Variants in PLCB1 observed in about 807,000 individuals in gnomAD.
PLCB1 encodes phospholipase C beta 1.
In PLCB1, 46 loss-of-function variants were observed where a neutral mutation model predicts 161.8. The observed-to-expected ratio is 0.28, with a 90% CI of 0.22 to 0.36. PLCB1 has a LOEUF of 0.36. PLCB1 is among the 10% of genes least tolerant of loss of function. PLCB1 has a pLI of 1.00. For missense variants in PLCB1, 1,016 were observed against 1,472.5 expected (o/e 0.69, Z 5.07); for synonymous variants, 517 against 503.7 (o/e 1.03, Z -0.35).
chr20:8,411,268 C>T (rs575898194), intron 3 of PLCB1, among the ~76,000 whole-genome samples: 81 of 152,186 alleles, frequency 5.3e-4, no homozygotes, highest in South Asian at 1.9e-3. Context: ...TCATGAATAC[C>T]TTTGCATGTT....
chr20:8,660,444 A>G (rs1243667961), intron 9 of PLCB1, among the ~76,000 whole-genome samples: 3 of 152,154 alleles, frequency 2.0e-5, no homozygotes, highest in Non-Finnish European at 4.4e-5. Flanking sequence ...CACTAGGAAA[A>G]CAAAAAGCTT....
chr20:8,661,348 C>A (rs539490734), intron 9 of PLCB1, among the ~76,000 whole-genome samples: 10 of 152,202 alleles, frequency 6.6e-5, no homozygotes, highest in Middle Eastern at 3.4e-3. Context: ...CTAATGCTGT[C>A]TCTACCTAAA....
chr20:8,228,116 G>A (rs1979798831), intron 2 of PLCB1, among the ~76,000 whole-genome samples: 2 of 151,912 alleles, frequency 1.3e-5, no homozygotes, highest in Non-Finnish European at 2.9e-5. Context: ...CTGAGATTGT[G>A]CCATTGCACT....
chr20:8,505,233 A>G (rs1390601188), intron 3 of PLCB1, among the ~76,000 whole-genome samples: 2 of 152,016 alleles, frequency 1.3e-5, no homozygotes, highest in African/African-American at 4.8e-5. Context: ...AATTCTTTTT[A>G]CCCCACACTC....
chr20:8,272,928 A>T (rs6140577), intron 2 of PLCB1, among the ~76,000 whole-genome samples: 13,154 of 152,188 alleles, frequency 0.086, 656 homozygotes, highest in East Asian at 0.18. Context: ...TCTGAGTGCA[A>T]AACATCTGGT....
chr20:8,176,125 A>G (rs2051780868), intron 2 of PLCB1, among the ~76,000 whole-genome samples: 1 of 152,214 alleles, frequency 6.6e-6, no homozygotes, highest in Admixed American at 6.5e-5. Context: ...TGATATAACT[A>G]TTGTATTATG....
intron 3 of PLCB1, among the ~76,000 whole-genome samples, chr20:8,463,163 G>A (rs879909496): frequency 8.2e-4 from 124 of 151,478 alleles, no homozygotes; most frequent in Non-Finnish European, 1.4e-3. Flanking sequence ...GTGTGTGTGT[G>A]TGTGTGTGTG....
intron 3 of PLCB1, among the ~76,000 whole-genome samples, chr20:8,390,941 T>C (rs2122429013): frequency 6.6e-6 from 1 of 151,610 alleles, no homozygotes; most frequent in Middle Eastern, 3.4e-3. Flanking sequence ...CTAGTTGCGG[T>C]AAGGACTAAA....
intron 3 of PLCB1, among the ~76,000 whole-genome samples, chr20:8,474,426 A>C (rs1352801069): frequency 1.3e-5 from 2 of 152,092 alleles, no homozygotes; most frequent in African/African-American, 4.8e-5. Context: ...TTTGTTGGGG[A>C]AATGATTATA....
chr20:8,525,872 T>C (rs2122898321), intron 3 of PLCB1, among the ~76,000 whole-genome samples: 1 of 152,118 alleles, frequency 6.6e-6, no homozygotes, highest in African/African-American at 2.4e-5. Flanking sequence ...TAAATTGTCA[T>C]GACATTTGTT....
intron 3 of PLCB1, among the ~76,000 whole-genome samples, chr20:8,457,954 T>G (rs1236488706): frequency 6.6e-6 from 1 of 151,986 alleles, no homozygotes; most frequent in Non-Finnish European, 1.5e-5. Context: ...TTATTTAGAG[T>G]TTGCAAGAGA....
rs76896377 is a variant in PLCB1 at position 8,726,486 on chromosome 20, G to A, written c.1679-823G>A. ...AGTTGACTCACAGTTCTGCATGGCT[G>A]GGGAGACCTCAGGAAACAACAATCA... On this transcript the variant is annotated intron_variant, in intron 16 of 31. Coordinates refer to ENST00000338037, the MANE Select transcript of PLCB1 (RefSeq NM_015192.4). 5.0e-3 allele frequency among the ~76,000 whole-genome samples: 758 copies of A among 152,138 alleles called. 10 individuals are homozygous for A. Among genetic ancestry groups the A allele is most frequent in the Middle Eastern group, 0.031 (9 of 294 alleles).
chr20:8,454,979 G>GATGAATGA (rs563600438), intron 3 of PLCB1, among the ~76,000 whole-genome samples: 7 of 150,132 alleles, frequency 4.7e-5, no homozygotes. Flanking sequence ...TATAAGGATG[G>GATGAATGA]ATGAATGAAT....
intron 3 of PLCB1, among the ~76,000 whole-genome samples, chr20:8,438,766 C>G (rs954127746): frequency 6.6e-6 from 1 of 152,114 alleles, no homozygotes; most frequent in Non-Finnish European, 1.5e-5. Context: ...ATTTCCTGAC[C>G]CAAGGGGCCA....
chr20:8,252,684 G>A (rs1298961409), intron 2 of PLCB1, among the ~76,000 whole-genome samples: 1 of 151,554 alleles, frequency 6.6e-6, no homozygotes, highest in Admixed American at 6.6e-5. Context: ...ATTCTCACTT[G>A]CTTTCCCCAT....
In PLCB1 at chr20:8,882,080, T is replaced by C; in HGVS notation, c.*231T>C. 1 of 436,712 alleles carries C rather than the reference T, an allele frequency of 2.3e-6. No homozygotes were observed. Among genetic ancestry groups the C allele is most frequent in the Non-Finnish European group, 4.1e-6 (1 of 246,752 alleles). The allele number at this position is 436,712 out of a possible 1,614,324, so 27.1% of individuals were successfully genotyped here. A position where few individuals can be genotyped will look rare whatever the true frequency, so the allele number is the denominator to read the frequency against. On this transcript the variant is annotated 3_prime_UTR_variant, in exon 32 of 32. Coordinates refer to ENST00000338037, the MANE Select transcript of PLCB1 (RefSeq NM_015192.4). ...TAGTGAAGAATGCATGTATGTGAGATTTTTGTTTTCTTTCCAATAGCAAAT... is the reference window on the plus strand; with the variant it reads ...TAGTGAAGAATGCATGTATGTGAGACTTTTGTTTTCTTTCCAATAGCAAAT...
At chr20:8,501,289 C>T (rs1372729957) in intron 3 of PLCB1, among the ~76,000 whole-genome samples, 3 of 152,230 alleles carry the variant, frequency 2.0e-5, no homozygotes, top group South Asian at 2.1e-4. Flanking sequence ...CCTCCATCCT[C>T]GCTGTCAGAT....
chr20:8,798,595 C>CA (rs1258042550), intron 31 of PLCB1, among the ~76,000 whole-genome samples: 5 of 138,950 alleles, frequency 3.6e-5, no homozygotes, highest in African/African-American at 7.7e-5. Flanking sequence ...CACACACACA[C>CA]CCCTGGCCCA....
intron 2 of PLCB1, among the ~76,000 whole-genome samples, chr20:8,161,590 G>C (rs1269067392): frequency 6.6e-6 from 1 of 152,080 alleles, no homozygotes; most frequent in Admixed American, 6.5e-5. Context: ...TTTTTTCCTT[G>C]GATTTGTTTG....
Sources: allele counts gnomAD v4.1 joint callset (sites outside exome capture counted in the v4.1 genomes callset), GRCh38; gene constraint gnomAD v4.1.1; transcripts MANE v1.5; gene names NCBI Gene and HGNC (gene_info 2026-07-23, HGNC 2026-07-21).